Variants in CFAP206 observed in about 807,000 individuals in gnomAD.
The protein encoded by CFAP206 is cilia- and flagella-associated protein 206.
CFAP206 carries 53 observed loss-of-function variants against 65.4 expected under a neutral mutation model. The ratio of observed to expected loss-of-function variants is 0.81; its 90% CI spans 0.65 to 1.02. The LOEUF is 1.02. Ranked by LOEUF, CFAP206 falls within the 50% of genes least tolerant of loss-of-function variation. The pLI, the probability that CFAP206 is intolerant of heterozygous loss-of-function variation, is 0.00. For missense variants in CFAP206, 663 were observed against 753.2 expected (o/e 0.88, Z 1.40); for synonymous variants, 250 against 254.4 (o/e 0.98, Z 0.17).
chr6:87,429,042 A>C (rs974085323), intron 9 of CFAP206, among the ~76,000 whole-genome samples: 5 of 152,122 alleles, frequency 3.3e-5, no homozygotes, highest in African/African-American at 1.2e-4. Context: ...GGAGTTCGAC[A>C]TGGCAAAACT....
intron 6 of CFAP206, among the ~76,000 whole-genome samples, chr6:87,417,755 C>CTTTTT (rs11394814): frequency 2.5e-5 from 3 of 121,758 alleles, no homozygotes; most frequent in Non-Finnish European, 5.1e-5. Context: ...GTTTTAGATT[C>CTTTTT]TTTTTTTTTT....
At chr6:87,429,654 GATACTTTAACAT>G (rs764111425) in intron 9 of CFAP206, among the ~76,000 whole-genome samples, 2 of 152,106 alleles carry the variant, frequency 1.3e-5, no homozygotes, top group Non-Finnish European at 2.9e-5. Flanking sequence ...CTTAGCTAAA[GATACTTTAACAT>G]TTATGAGGAA....
intron 11 of CFAP206, among the ~76,000 whole-genome samples, chr6:87,442,589 A>G (rs951283317): frequency 1.3e-5 from 2 of 152,142 alleles, no homozygotes; most frequent in Admixed American, 1.3e-4. Flanking sequence ...TATTTCTGAT[A>G]TTTCATAATT....
intron 3 of CFAP206, among the ~76,000 whole-genome samples, chr6:87,413,115 GC>G (rs1767765746): frequency 6.6e-6 from 1 of 152,182 alleles, no homozygotes; most frequent in Non-Finnish European, 1.5e-5. Context: ...CAGGTTTCTT[GC>G]CTTCAACTAG....
In CFAP206 at chr6:87,464,254, C is replaced by G. The variant is rs1488191650; in HGVS notation, c.*4C>G. On this transcript the variant is annotated 3_prime_UTR_variant, in exon 13 of 13. Transcript: ENST00000369562. ...TAGAGATGTGGATGAAACCTAATTA[C>G]AGACAACGTTTTAAAATAGATGCTA... is the stretch of plus-strand genomic sequence containing the variant. 2 of 1,607,030 alleles carry G rather than the reference C, an allele frequency of 1.2e-6. No individual in the cohort carries two copies. Among genetic ancestry groups the G allele is most frequent in the African/African-American group, 1.3e-5 (1 of 74,728 alleles).
chr6:87,412,615 G>C (rs959638637), intron 3 of CFAP206, among the ~76,000 whole-genome samples: 11 of 151,998 alleles, frequency 7.2e-5, no homozygotes, highest in Middle Eastern at 3.2e-3. Context: ...GTGAAGAGAG[G>C]GGGGTGGTTG....
intron 11 of CFAP206, among the ~76,000 whole-genome samples, chr6:87,441,008 T>C (rs1050419515): frequency 6.6e-6 from 1 of 152,194 alleles, no homozygotes; most frequent in Non-Finnish European, 1.5e-5. Context: ...CTCTTTGATA[T>C]ACTAATGCAT....
intron 7 of CFAP206, among the ~76,000 whole-genome samples, chr6:87,424,659 A>G (rs1768006045): frequency 1.3e-5 from 2 of 152,114 alleles, no homozygotes; most frequent in African/African-American, 4.8e-5. Context: ...TTTTCTTTCA[A>G]TGCTCTGACT....
chr6:87,460,796 A>C (rs1768732369), intron 11 of CFAP206, among the ~76,000 whole-genome samples: 1 of 152,116 alleles, frequency 6.6e-6, no homozygotes, highest in Non-Finnish European at 1.5e-5. Context: ...GTTAAAAAAA[A>C]ACACCCCCTA....
chr6:87,451,724 T>C (rs537715620), intron 11 of CFAP206, among the ~76,000 whole-genome samples: 1 of 152,094 alleles, frequency 6.6e-6, no homozygotes, highest in Non-Finnish European at 1.5e-5. Flanking sequence ...CAAACTCCTA[T>C]AGTTCCTGAT....
intron 7 of CFAP206, among the ~76,000 whole-genome samples, chr6:87,424,446 T>C (rs1768003565): frequency 6.6e-6 from 1 of 151,966 alleles, no homozygotes; most frequent in Non-Finnish European, 1.5e-5. Flanking sequence ...GCCCAGCTAA[T>C]TTTTTTATTT....
chr6:87,409,387 A>G (rs948105027), intron 1 of CFAP206, among the ~76,000 whole-genome samples: 8 of 151,572 alleles, frequency 5.3e-5, no homozygotes, highest in African/African-American at 1.9e-4. Context: ...CTAATTTTGT[A>G]TTTTTAGTAG....
intron 7 of CFAP206, among the ~76,000 whole-genome samples, chr6:87,420,074 C>T (rs1257396987): frequency 6.6e-6 from 1 of 152,174 alleles, no homozygotes; most frequent in African/African-American, 2.4e-5. Context: ...AAGACCCCAT[C>T]TCTAAAAAGA....
intron 12 of CFAP206, 148 bp from the exon 13 acceptor site, chr6:87,463,872 A>T: frequency 3.8e-6 from 2 of 519,916 alleles, no homozygotes; most frequent in Non-Finnish European, 6.6e-6. Flanking sequence ...TAGATTTTCC[A>T]ATGTTTTATA....
chr6:87,445,289 T>C, intron 11 of CFAP206: 1 of 211,338 alleles, frequency 4.7e-6, no homozygotes. Flanking sequence ...GGTGGTTTGC[T>C]GCCCCTATCA....
chr6:87,433,261 A>G (rs6940716), intron 10 of CFAP206, among the ~76,000 whole-genome samples: 38,798 of 152,132 alleles, frequency 0.26, 5,037 homozygotes, highest in African/African-American at 0.28. Context: ...CATGTAGCAC[A>G]TGTCACTCTG....
chr6:87,417,122 C>T (rs980256174), intron 6 of CFAP206, among the ~76,000 whole-genome samples: 1 of 152,134 alleles, frequency 6.6e-6, no homozygotes, highest in Non-Finnish European at 1.5e-5. Flanking sequence ...GTGTTCATTA[C>T]TGCAAGTCCG....
chr6:87,419,657 G>A (rs1167553284), intron 7 of CFAP206, among the ~76,000 whole-genome samples: 1 of 152,188 alleles, frequency 6.6e-6, no homozygotes, highest in Non-Finnish European at 1.5e-5. Context: ...GGATAGAATA[G>A]GATGTATTCT....
At chr6:87,461,634 CAACT>C (rs1288248094) in intron 12 of CFAP206, among the ~76,000 whole-genome samples, 1 of 152,180 alleles carries the variant, frequency 6.6e-6, no homozygotes, top group East Asian at 1.9e-4. Context: ...CATCCCTGTC[CAACT>C]GAGTGAAATT....
Sources: allele counts gnomAD v4.1 joint callset (sites outside exome capture counted in the v4.1 genomes callset), GRCh38; gene constraint gnomAD v4.1.1; transcripts MANE v1.5; gene names NCBI Gene and HGNC (gene_info 2026-07-23, HGNC 2026-07-21).